The following TG variants were observed in gnomAD, a reference collection of about 807,000 sequenced individuals.
TG encodes thyroglobulin, also known as thyroid hormones.
Under a neutral mutation model 324.7 loss-of-function variants are expected in TG, and 270 were observed. The ratio of observed to expected loss-of-function variants is 0.83; its 90% CI spans 0.75 to 0.92. TG has a LOEUF of 0.92. Among genes scored for constraint, TG ranks in the 40% least tolerant of loss-of-function variants. The pLI, the probability that TG is intolerant of heterozygous loss-of-function variation, is 0.00. For missense variants in TG, 3,591 were observed against 3,456.4 expected (o/e 1.04, Z -0.98); for synonymous variants, 1,401 against 1,327.0 (o/e 1.06, Z -1.21).
chr8:132,911,259 A>G (rs1413776601), intron 18 of TG, 118 bp from the exon 19 acceptor site: 1 of 1,575,332 alleles, frequency 6.3e-7, no homozygotes, highest in East Asian at 2.2e-5. Context: ...CCCCTGAAGT[A>G]GGGTTGGTGG....
chr8:133,118,974 C>T (rs1313486421), intron 45 of TG, among the ~76,000 whole-genome samples: 5 of 152,070 alleles, frequency 3.3e-5, no homozygotes, highest in African/African-American at 9.7e-5. Flanking sequence ...AGAGAGAAGG[C>T]AATGTGATCA....
chr8:133,011,226 A>G (rs1042582997), intron 35 of TG, among the ~76,000 whole-genome samples: 1 of 152,160 alleles, frequency 6.6e-6, no homozygotes. Context: ...TTCCATCTTG[A>G]GGCTGGGGGT....
intron 39 of TG, among the ~76,000 whole-genome samples, chr8:133,020,346 C>T (rs1292586330): frequency 6.6e-6 from 1 of 152,212 alleles, no homozygotes; most frequent in Non-Finnish European, 1.5e-5. Flanking sequence ...ACAGGCCCTG[C>T]ACAGGAGGGG....
rs762714056 is a variant in TG, at chr8:132,910,332, A to G, written c.4003-1045A>G. On this transcript the variant is annotated intron_variant, in intron 18 of 47. Coordinates refer to ENST00000220616, the MANE Select transcript of TG (RefSeq NM_003235.5). The stretch of plus-strand genomic sequence containing the variant: ...AGGGCCAGGGCCACGTCAACTCTGA[A>G]TTACTCATTGGTGACAGAGTTCACT... Among the ~76,000 whole-genome samples the G allele has an allele frequency of 5.9e-5, 9 of 152,212 alleles. No individual in the cohort carries two copies. In the South Asian group the frequency reaches 8.3e-4, roughly 14 times the overall value.
At chr8:133,131,281 T>C (rs1851930086) in intron 45 of TG, among the ~76,000 whole-genome samples, 1 of 152,248 alleles carries the variant, frequency 6.6e-6, no homozygotes, top group East Asian at 1.9e-4. Context: ...CCTAGATATT[T>C]AATCCAGTCT....
intron 11 of TG, among the ~76,000 whole-genome samples, chr8:132,894,982 TC>T (rs1021148620): frequency 1.6e-4 from 25 of 152,194 alleles, no homozygotes; most frequent in African/African-American, 5.8e-4. Flanking sequence ...AGAGACCTGG[TC>T]CTCCAGTTCA....
chr8:133,024,355 TTTC>T (rs1835852157), intron 40 of TG, among the ~76,000 whole-genome samples: 3 of 126,878 alleles, frequency 2.4e-5, no homozygotes, highest in Non-Finnish European at 5.0e-5. Context: ...TCTTTCTTTC[TTTC>T]TTTCTTTCTT....
chr8:132,963,497 G>A (rs1168406504), intron 29 of TG, among the ~76,000 whole-genome samples: 1 of 152,192 alleles, frequency 6.6e-6, no homozygotes, highest in Non-Finnish European at 1.5e-5. Flanking sequence ...AGTGAAAGCT[G>A]TGATTCCAAA....
At chr8:132,897,275 AAATT>A (rs1817255483) in intron 11 of TG, among the ~76,000 whole-genome samples, 1 of 152,226 alleles carries the variant, frequency 6.6e-6, no homozygotes, top group Admixed American at 6.5e-5. Flanking sequence ...TGTGAGGATT[AAATT>A]AATTAAGGTA....
chr8:133,079,358 G>A (rs872643), intron 41 of TG, among the ~76,000 whole-genome samples: 39,043 of 152,242 alleles, frequency 0.26, 5,323 homozygotes, highest in African/African-American at 0.31. Context: ...AGGATTGAGA[G>A]TCACTCAGTT....
At chr8:132,960,932 T>C in intron 27 of TG, 76 bp from the exon 28 acceptor site, 1 of 1,390,628 alleles carries the variant, frequency 7.2e-7, no homozygotes, top group Non-Finnish European at 1.0e-6. Context: ...TCAAGGGAGA[T>C]GGGGCTATTG....
At chr8:132,965,036 G>T in intron 29 of TG, 1 of 667,968 alleles carries the variant, frequency 1.5e-6, no homozygotes, top group South Asian at 1.6e-5. Flanking sequence ...TTCTCTTTCT[G>T]CTTTCTTGAG....
At chr8:133,006,279 A>G (rs1049279879) in intron 35 of TG, among the ~76,000 whole-genome samples, 3 of 152,224 alleles carry the variant, frequency 2.0e-5, no homozygotes, top group African/African-American at 7.2e-5. Flanking sequence ...ACCAAAACCA[A>G]AAAGGATATC....
chr8:133,016,953 C>T (rs1835082634), intron 37 of TG, among the ~76,000 whole-genome samples: 1 of 152,204 alleles, frequency 6.6e-6, no homozygotes, highest in African/African-American at 2.4e-5. Context: ...CAGTGTTGGC[C>T]TTGTGGACAA....
intron 21 of TG, among the ~76,000 whole-genome samples, chr8:132,922,734 C>T (rs1821282953): frequency 6.6e-6 from 1 of 152,218 alleles, no homozygotes; most frequent in Non-Finnish European, 1.5e-5. Context: ...ACAGATGGCG[C>T]CTTCTCACTG....
intron 41 of TG, among the ~76,000 whole-genome samples, chr8:133,067,916 A>AAGG (rs1491304237): frequency 0.091 from 8,316 of 91,792 alleles, 666 homozygotes; most frequent in African/African-American, 0.21. Flanking sequence ...GGAAGGAAGG[A>AAGG]AAGAGAGAGA....
intron 27 of TG, among the ~76,000 whole-genome samples, chr8:132,951,260 G>GAT (rs923405327): frequency 5.3e-5 from 8 of 152,262 alleles, no homozygotes; most frequent in South Asian, 4.1e-4. Context: ...CATAGAAAAA[G>GAT]ATATATATAT....
intron 41 of TG, chr8:133,038,670 G>T: frequency 6.2e-7 from 1 of 1,614,042 alleles, no homozygotes; most frequent in Non-Finnish European, 8.5e-7. Flanking sequence ...CTCTCTCGAA[G>T]GCCATAGCTG....
Position 132,869,777 on chromosome 8 carries a change from C to A in TG, c.225C>A (p.Ala75=). The A allele has an allele frequency of 6.2e-7, 1 of 1,614,132 alleles. No homozygotes were observed. Among genetic ancestry groups the A allele is most frequent in the Non-Finnish European group, 8.5e-7 (1 of 1,180,034 alleles). The change falls in exon 3 of 48, where the codon GCC becomes GCA. Residue 75 remains alanine (A), a synonymous_variant. Coordinates refer to ENST00000220616, the MANE Select transcript of TG (RefSeq NM_003235.5). ...NDGRSCWCVG[A]NGSEVLGSRQ... Reference sequence around the variant, plus strand: ...GCCGCTCCTGCTGGTGTGTGGGTGCCAACGGCAGTGAAGTGCTGGGCAGCA... The same window carrying A: ...GCCGCTCCTGCTGGTGTGTGGGTGCAAACGGCAGTGAAGTGCTGGGCAGCA...
Sources: gnomAD v4.1 joint callset for allele counts (sites outside exome capture counted in the v4.1 genomes callset) on GRCh38, gnomAD v4.1.1 for gene constraint, MANE v1.5 for transcripts, NCBI Gene and HGNC (gene_info 2026-07-23, HGNC 2026-07-21) for gene names.